The following DPPA2 variants were observed in gnomAD, a reference collection of about 807,000 sequenced individuals.
DPPA2 encodes developmental pluripotency associated 2, also known as developmental pluripotency-associated protein 2.
Under a neutral mutation model 36.2 loss-of-function variants are expected in DPPA2, and 26 were observed. The ratio of observed to expected loss-of-function variants is 0.72; its 90% CI spans 0.53 to 1.00. DPPA2 has a LOEUF of 1.00. Among genes scored for constraint, DPPA2 ranks in the 50% least tolerant of loss-of-function variants. The pLI is 0.00. For synonymous variants in DPPA2, 113 were observed against 123.2 expected (o/e 0.92, Z 0.55); for missense variants, 361 against 365.1 (o/e 0.99, Z 0.09).
chr3:109,311,939 A>G (rs2107320046), intron 3 of DPPA2, among the ~76,000 whole-genome samples: 1 of 152,302 alleles, frequency 6.6e-6, no homozygotes, highest in Middle Eastern at 3.4e-3. Context: ...TCGTTTTTAT[A>G]GAAGAGGAGA....
chr3:109,294,754 C>T (rs374417483), intron 8 of DPPA2, among the ~76,000 whole-genome samples: 2 of 152,106 alleles, frequency 1.3e-5, no homozygotes, highest in African/African-American at 2.4e-5. Context: ...CTGGGCGCGG[C>T]GGCTCATGCC....
At chr3:109,311,419 T>C (rs1213241786) in intron 3 of DPPA2, among the ~76,000 whole-genome samples, 1 of 152,186 alleles carries the variant, frequency 6.6e-6, no homozygotes, top group African/African-American at 2.4e-5. Context: ...TCCTCATTAT[T>C]GGCCTAGAAG....
At position 109,308,293 on chromosome 3, in the gene DPPA2, C is replaced by T. The variant is rs751038139; in HGVS notation, c.397G>A (p.Asp133Asn). The change falls in exon 6 of 9, where the codon GAT becomes AAT. Residue 133 changes from aspartate to asparagine, a missense_variant and splice_region_variant. Transcript: ENST00000478945. ...GTCTCTTGTGACATTTCAGGCATAT[C>T]CTGCAAATGAAATTCACGATGAGTA... ...HRHAYPEQRQ[D>N]MPEMSQETRL... 6 of 1,613,952 alleles carry T rather than the reference C, an allele frequency of 3.7e-6. No homozygotes were observed. In the South Asian group the frequency reaches 4.4e-5, roughly 12 times the overall value.
chr3:109,297,094 A>C (rs188937528), intron 8 of DPPA2, among the ~76,000 whole-genome samples: 1 of 152,216 alleles, frequency 6.6e-6, no homozygotes, highest in African/African-American at 2.4e-5. Flanking sequence ...CTCAATAAAA[A>C]ATAAATAGTA....
intron 6 of DPPA2, among the ~76,000 whole-genome samples, chr3:109,305,277 A>T (rs935916213): frequency 2.0e-5 from 3 of 152,240 alleles, no homozygotes; most frequent in Non-Finnish European, 2.9e-5. Context: ...ACTCTTAAGT[A>T]CACTATTAAT....
At position 109,309,270 on chromosome 3, in the gene DPPA2, GGT is replaced by G; in HGVS notation, c.240_241del (p.Pro81SerfsTer12). 3.1e-6 allele frequency: 5 copies of G among 1,614,046 alleles called. No individual in the cohort carries two copies. Among genetic ancestry groups the G allele is most frequent in the Non-Finnish European group, 4.2e-6 (5 of 1,180,004 alleles). ...CAAAATGGTCGGCAAGGGAAGGGCT[GGT>G]ATTTTGCATCTAGCTTTTTGTGGAG... On this transcript the variant is annotated frameshift_variant, in exon 4 of 9. Transcript: ENST00000478945. LOFTEE classifies it high-confidence loss of function.
At chr3:109,299,376 G>A (rs1707417008) in intron 8 of DPPA2, among the ~76,000 whole-genome samples, 1 of 152,114 alleles carries the variant, frequency 6.6e-6, no homozygotes, top group Non-Finnish European at 1.5e-5. Flanking sequence ...CGGGTGTGGT[G>A]GCACATGCCT....
At chr3:109,300,653 G>A (rs62274254) in intron 7 of DPPA2, among the ~76,000 whole-genome samples, 34,978 of 151,638 alleles carry the variant, frequency 0.23, 4,272 homozygotes, top group Middle Eastern at 0.29. Flanking sequence ...GAAACCCTGT[G>A]TCTGCTAAAA....
intron 8 of DPPA2, 22 bp downstream of exon 8, chr3:109,300,349 G>T (rs1436017839): frequency 6.4e-7 from 1 of 1,568,808 alleles, no homozygotes; most frequent in Admixed American, 1.7e-5. Context: ...TTATTTTGAG[G>T]TGGCATATTC....
chr3:109,300,609 G>GA, intron 7 of DPPA2, among the ~76,000 whole-genome samples, 174 bp from the exon 8 acceptor site: 1 of 152,122 alleles, frequency 6.6e-6, no homozygotes, highest in African/African-American at 2.4e-5. Flanking sequence ...ATCACCTGAG[G>GA]TCAGGAGTTT....
At chr3:109,296,339 G>A (rs1442815353) in intron 8 of DPPA2, among the ~76,000 whole-genome samples, 3 of 152,186 alleles carry the variant, frequency 2.0e-5, no homozygotes, top group Admixed American at 6.5e-5. Flanking sequence ...ACTTCTCTCC[G>A]TAAGCCTTAC....
chr3:109,295,681 C>T (rs1284997901), intron 8 of DPPA2, among the ~76,000 whole-genome samples: 1 of 151,242 alleles, frequency 6.6e-6, no homozygotes, highest in Non-Finnish European at 1.5e-5. Context: ...CAGAAAGAGA[C>T]AAAAAGCATG....
In DPPA2 at chr3:109,310,695, G is replaced by A. The variant is rs549012431; in HGVS notation, c.182-1365C>T. Among the ~76,000 whole-genome samples, 8 of 151,248 alleles carry A rather than the reference G, an allele frequency of 5.3e-5. No homozygotes were observed. The East Asian group carries it at 7.9e-4, about 15-fold the overall frequency. The stretch of plus-strand genomic sequence containing the variant: ...TAATTTTTGTATTTTTAGTAGAGAC[G>A]GTGTTTCACTATGTTGGCCAGGCTG... On this transcript the variant is annotated intron_variant, in intron 3 of 8. Coordinates refer to ENST00000478945, the MANE Select transcript of DPPA2 (RefSeq NM_138815.4).
intron 7 of DPPA2, among the ~76,000 whole-genome samples, chr3:109,303,042 A>C (rs2107308002): frequency 6.6e-6 from 1 of 152,266 alleles, no homozygotes; most frequent in African/African-American, 2.4e-5. Context: ...CTCATTTCTC[A>C]ATATAAGCTT....
intron 1 of DPPA2, 143 bp from the exon 2 acceptor site, chr3:109,314,698 C>G: frequency 1.5e-6 from 1 of 659,446 alleles, no homozygotes; most frequent in Non-Finnish European, 2.5e-6. Context: ...TTTTTGCCCT[C>G]CCTCATTTTC....
At chr3:109,298,125 G>C (rs1707385371) in intron 8 of DPPA2, among the ~76,000 whole-genome samples, 1 of 151,984 alleles carries the variant, frequency 6.6e-6, no homozygotes, top group Non-Finnish European at 1.5e-5. Flanking sequence ...CCAGTGTATG[G>C]GCTTGCGGGG....
chr3:109,301,962 T>C (rs1707463919), intron 7 of DPPA2, among the ~76,000 whole-genome samples: 1 of 152,152 alleles, frequency 6.6e-6, no homozygotes, highest in Non-Finnish European at 1.5e-5. Context: ...ATCAGCAGTG[T>C]CCTAAACAGC....
At chr3:109,295,437 G>C (rs1216030904) in intron 8 of DPPA2, 1 of 151,372 alleles carries the variant, frequency 6.6e-6, no homozygotes, top group Non-Finnish European at 1.5e-5. Context: ...GTAGAGGTGG[G>C]GTTTTACCAT....
chr3:109,308,752 C>T (rs1707630970), intron 5 of DPPA2, among the ~76,000 whole-genome samples: 1 of 152,126 alleles, frequency 6.6e-6, no homozygotes, highest in Non-Finnish European at 1.5e-5. Flanking sequence ...AAATTCTCCA[C>T]TGGGAGAAAT....
Sources: allele counts gnomAD v4.1 joint callset (sites outside exome capture counted in the v4.1 genomes callset), GRCh38; gene constraint gnomAD v4.1.1; transcripts MANE v1.5; gene names NCBI Gene and HGNC (gene_info 2026-07-23, HGNC 2026-07-21).